NAALADL2: variants seen among roughly 807,000 people sequenced by gnomAD.
The protein encoded by NAALADL2 is N-acetylated alpha-linked acidic dipeptidase like 2, also known as inactive N-acetylated-alpha-linked acidic dipeptidase-like protein 2.
In NAALADL2, 76 loss-of-function variants were observed where a neutral mutation model predicts 87.2. The observed-to-expected ratio is 0.87, with a 90% confidence interval of 0.72 to 1.05. The LOEUF is 1.05. Among genes scored for constraint, NAALADL2 ranks in the 50% least tolerant of loss-of-function variants. NAALADL2 has a pLI of 0.00. For missense variants in NAALADL2, 1,089 were observed against 945.8 expected (o/e 1.15, Z -1.99); for synonymous variants, 354 against 331.0 (o/e 1.07, Z -0.75).
intron 10 of NAALADL2, among the ~76,000 whole-genome samples, chr3:175,580,122 G>A (rs766986932): frequency 6.3e-4 from 96 of 151,992 alleles, no homozygotes; most frequent in Non-Finnish European, 1.1e-3. Context: ...ATAACCCAGG[G>A]ACAGAAATTC....
chr3:175,792,298 A>G (rs1396114203), intron 13 of NAALADL2, among the ~76,000 whole-genome samples: 3 of 152,200 alleles, frequency 2.0e-5, no homozygotes, highest in African/African-American at 7.2e-5. Flanking sequence ...AACAATTCTT[A>G]AAAATATTAA....
chr3:174,564,705 T>C (rs1236197491), intron 2 of NAALADL2, among the ~76,000 whole-genome samples: 2 of 152,148 alleles, frequency 1.3e-5, no homozygotes, highest in African/African-American at 4.8e-5. Context: ...AGAATTGTTA[T>C]ATATTCCTAA....
intron 2 of NAALADL2, among the ~76,000 whole-genome samples, chr3:175,124,121 A>G (rs1726563417): frequency 1.3e-5 from 2 of 152,022 alleles, no homozygotes; most frequent in Non-Finnish European, 2.9e-5. Flanking sequence ...TCATTTAAAT[A>G]TTTGACTTCT....
At chr3:174,824,080 AATGTGT>A (rs2109341774) in intron 3 of NAALADL2, among the ~76,000 whole-genome samples, 1 of 152,280 alleles carries the variant, frequency 6.6e-6, no homozygotes, top group East Asian at 1.9e-4. Context: ...TGCTAACTTA[AATGTGT>A]ATTATCTAAG....
In NAALADL2 at chr3:174,626,955, G is replaced by A. The variant is rs984252024; in HGVS notation, c.-115+76318G>A. 3.3e-5 allele frequency among the ~76,000 whole-genome samples: 5 copies of A among 151,986 alleles called. No individual in the cohort carries two copies. In the South Asian group the frequency reaches 1.0e-3, roughly 31 times the overall value. Reference sequence around the variant, plus strand: ...TAAAATGTGGATAGTTTACAAAGATGATTCATTTATTCATAAAACTATTAA... The same window carrying A: ...TAAAATGTGGATAGTTTACAAAGATAATTCATTTATTCATAAAACTATTAA... On this transcript the variant is annotated intron_variant, in intron 2 of 3. Transcript: ENST00000434257.
intron 4 of NAALADL2, among the ~76,000 whole-genome samples, chr3:175,318,997 T>C (rs1199719508): frequency 6.6e-6 from 1 of 152,226 alleles, no homozygotes; most frequent in African/African-American, 2.4e-5. Flanking sequence ...TATTCTTCTA[T>C]AGTAAGCAAA....
chr3:174,717,999 G>A (rs889300471), intron 2 of NAALADL2, among the ~76,000 whole-genome samples: 7 of 151,958 alleles, frequency 4.6e-5, no homozygotes, highest in Non-Finnish European at 1.0e-4. Context: ...CGTGTTGGGA[G>A]GCGCCTGTAA....
chr3:174,639,926 G>T (rs534490337), intron 2 of NAALADL2, among the ~76,000 whole-genome samples: 2 of 151,996 alleles, frequency 1.3e-5, no homozygotes, highest in Non-Finnish European at 2.9e-5. Context: ...GAAAATTTGC[G>T]TCATTTTTTT....
intron 2 of NAALADL2, among the ~76,000 whole-genome samples, chr3:174,689,630 T>C (rs370031886): frequency 6.6e-6 from 1 of 151,996 alleles, no homozygotes; most frequent in East Asian, 1.9e-4. Context: ...GAAGGGCTCT[T>C]CTAATTAGTC....
chr3:174,844,097 CA>C (rs1271143808), intron 3 of NAALADL2, among the ~76,000 whole-genome samples: 9 of 152,134 alleles, frequency 5.9e-5, no homozygotes, highest in African/African-American at 2.2e-4. Flanking sequence ...TGCCCAGCCC[CA>C]ATGTTGTAAA....
chr3:175,358,415 A>G (rs1204104764), intron 5 of NAALADL2, among the ~76,000 whole-genome samples: 3 of 151,906 alleles, frequency 2.0e-5, no homozygotes, highest in Admixed American at 1.3e-4. Flanking sequence ...AAGCCATTCT[A>G]TTTTTTTATT....
At chr3:174,716,243 G>T (rs1368626358) in intron 2 of NAALADL2, among the ~76,000 whole-genome samples, 1 of 152,086 alleles carries the variant, frequency 6.6e-6, no homozygotes, top group African/African-American at 2.4e-5. Flanking sequence ...AGTCAGAAAG[G>T]CATACCTGTT....
intron 2 of NAALADL2, among the ~76,000 whole-genome samples, chr3:175,208,752 T>C (rs1580935602): frequency 6.6e-6 from 1 of 152,072 alleles, no homozygotes; most frequent in Non-Finnish European, 1.5e-5. Context: ...ATAAATAATA[T>C]GGAAAATGGA....
intron 1 of NAALADL2, among the ~76,000 whole-genome samples, chr3:174,988,969 G>A (rs778205500): frequency 6.6e-6 from 1 of 152,160 alleles, no homozygotes. Context: ...TTGCATCTGC[G>A]TCTAGTGAGA....
At chr3:175,448,429 G>A (rs537818135) in intron 6 of NAALADL2, among the ~76,000 whole-genome samples, 75 of 152,278 alleles carry the variant, frequency 4.9e-4, no homozygotes, top group Admixed American at 2.7e-3. Context: ...TAGTGTAGTT[G>A]TAAGAGGCAC....
rs185428731 is a variant in NAALADL2 at position 175,044,941 on chromosome 3, T to C, written c.44-51849T>C. ...GGGCGCAATTTCTGATTTTTTTTTT[T>C]TCATGCTTGAAAATTATTTGATTAT... On this transcript the variant is annotated intron_variant, in intron 1 of 13. Transcript: ENST00000454872. 6.2e-3 allele frequency among the ~76,000 whole-genome samples: 946 copies of C among 152,052 alleles called. 8 individuals are homozygous for C. The highest frequency in any genetic ancestry group is 0.02 in the Middle Eastern group (6 of 294).
intron 4 of NAALADL2, among the ~76,000 whole-genome samples, chr3:175,284,531 G>T (rs934045716): frequency 4.0e-5 from 6 of 151,700 alleles, no homozygotes; most frequent in African/African-American, 1.5e-4. Flanking sequence ...AAAAAAATGA[G>T]CTCTTAGTTA....
Position 175,096,932 on chromosome 3 carries a change from C to T in NAALADL2, c.186C>T (p.Asp62=), listed in dbSNP as rs1159760772. ...MEKELEESGF[D]QFQLDGAENQ... The stretch of plus-strand genomic sequence containing the variant: ...AGGAACTAGAGGAGTCTGGTTTTGA[C>T]CAATTCCAGCTAGACGGTGCTGAGA... The change falls in exon 2 of 14, where the codon GAC becomes GAT. Residue 62 remains aspartate (D), a synonymous_variant. Coordinates refer to ENST00000454872, the MANE Select transcript of NAALADL2 (RefSeq NM_207015.3). 6.2e-7 allele frequency: 1 copy of T among 1,613,354 alleles called. No individual in the cohort carries two copies. The highest frequency in any genetic ancestry group is 8.5e-7 in the Non-Finnish European group (1 of 1,179,634).
At chr3:174,646,552 C>CT (rs142861334) in intron 2 of NAALADL2, among the ~76,000 whole-genome samples, 2,308 of 152,058 alleles carry the variant, frequency 0.015, 64 homozygotes, top group African/African-American at 0.053. Context: ...AAAACAATCT[C>CT]AATAAACAGT....
Sources: gnomAD v4.1 joint callset for allele counts (sites outside exome capture counted in the v4.1 genomes callset) on GRCh38, gnomAD v4.1.1 for gene constraint, MANE v1.5 for transcripts, NCBI Gene and HGNC (gene_info 2026-07-23, HGNC 2026-07-21) for gene names.